The following EPHB1 variants were observed in gnomAD, a reference collection of about 807,000 sequenced individuals.
EPHB1 encodes EPH receptor B1, also known as ephrin type-B receptor 1.
EPHB1 carries 30 observed loss-of-function variants against 94.4 expected under a neutral mutation model. That is an observed-to-expected ratio of 0.32 (90% CI 0.24 to 0.43). EPHB1 has a LOEUF of 0.43. Among genes scored for constraint, EPHB1 ranks in the 20% least tolerant of loss-of-function variants. EPHB1 has a pLI of 1.00. For synonymous variants in EPHB1, 522 were observed against 489.1 expected (o/e 1.07, Z -0.89); for missense variants, 1,055 against 1,308.3 (o/e 0.81, Z 2.99).
rs546525286 is a variant in EPHB1 at position 135,007,248 on chromosome 3, C to G, written c.805+55196C>G. 3.3e-5 allele frequency among the ~76,000 whole-genome samples: 5 copies of G among 152,310 alleles called. No individual in the cohort carries two copies. The South Asian group carries it at 8.3e-4, about 25-fold the overall frequency. On this transcript the variant is annotated intron_variant, in intron 3 of 15. Transcript: ENST00000398015. ...CAATTCTCTAGACACTCCCTTACCTCCCTTGCAGAGCCTGGGTACACAGCT... is the reference window on the plus strand; with the variant it reads ...CAATTCTCTAGACACTCCCTTACCTGCCTTGCAGAGCCTGGGTACACAGCT...
intron 1 of EPHB1, among the ~76,000 whole-genome samples, chr3:134,919,150 T>C (rs964103401): frequency 6.6e-6 from 1 of 152,334 alleles, no homozygotes; most frequent in South Asian, 2.1e-4. Context: ...CATTGGAATA[T>C]GGTTAATGAT....
chr3:135,192,527 C>A, intron 10 of EPHB1, 49 bp from the exon 11 acceptor site: 1 of 1,596,478 alleles, frequency 6.3e-7, no homozygotes, highest in Non-Finnish European at 8.6e-7. Context: ...CCTCTTGAGT[C>A]CACAGACTGA....
At chr3:135,063,244 A>G (rs73216132) in intron 3 of EPHB1, among the ~76,000 whole-genome samples, 5,959 of 152,096 alleles carry the variant, frequency 0.039, 164 homozygotes, top group East Asian at 0.14. Context: ...TATTTTGATG[A>G]GGATTGTGTT....
intron 3 of EPHB1, among the ~76,000 whole-genome samples, chr3:135,097,289 C>T (rs1442748281): frequency 6.7e-6 from 1 of 150,372 alleles, no homozygotes; most frequent in Non-Finnish European, 1.5e-5. Context: ...TGGCTATCCT[C>T]ACTCCCTAAT....
chr3:135,230,149 G>A (rs1022441399), intron 12 of EPHB1, among the ~76,000 whole-genome samples: 1 of 152,198 alleles, frequency 6.6e-6, no homozygotes, highest in Non-Finnish European at 1.5e-5. Context: ...ATGAAACACT[G>A]GACGTGGCCT....
rs557460405 is a variant in EPHB1 at position 134,874,882 on chromosome 3, G to A, written c.59-50934G>A. ...CCTCTTTCTCTGCAGTCATTGCTAA[G>A]CCCTCCCTCTGCCTTCATACCAGGC... On this transcript the variant is annotated intron_variant, in intron 1 of 15. Transcript: ENST00000398015. Among the ~76,000 whole-genome samples, 5 of 152,344 alleles carry A rather than the reference G, an allele frequency of 3.3e-5. No individual in the cohort carries two copies. The East Asian group carries it at 9.6e-4, about 29-fold the overall frequency.
At chr3:135,127,549 A>T (rs1940254611) in intron 4 of EPHB1, among the ~76,000 whole-genome samples, 1 of 152,166 alleles carries the variant, frequency 6.6e-6, no homozygotes, top group Non-Finnish European at 1.5e-5. Flanking sequence ...CCTGAAATTT[A>T]CTACTAAATT....
intron 5 of EPHB1, among the ~76,000 whole-genome samples, chr3:135,141,145 C>CTTTTTTTTTTTTTTT (rs59743607): frequency 7.6e-6 from 1 of 131,302 alleles, no homozygotes; most frequent in Non-Finnish European, 1.6e-5. Flanking sequence ...CTTTCCTTTC[C>CTTTTTTTTTTTTTTT]TTTTTTTTTT....
At chr3:135,189,906 T>C (rs1162357006) in intron 10 of EPHB1, among the ~76,000 whole-genome samples, 1 of 152,218 alleles carries the variant, frequency 6.6e-6, no homozygotes, top group East Asian at 1.9e-4. Flanking sequence ...TTAAACAGTA[T>C]CACTTCTTTT....
intron 5 of EPHB1, among the ~76,000 whole-genome samples, chr3:135,136,927 A>G (rs1030159800): frequency 1.3e-5 from 2 of 152,196 alleles, no homozygotes; most frequent in African/African-American, 2.4e-5. Flanking sequence ...TGGCCAAGTG[A>G]TCTGCAGAGA....
At chr3:134,926,862 T>G (rs1306684625) in intron 2 of EPHB1, among the ~76,000 whole-genome samples, 1 of 151,984 alleles carries the variant, frequency 6.6e-6, no homozygotes, top group Admixed American at 6.5e-5. Flanking sequence ...AAGAATCAAG[T>G]TAAAATAGGA....
rs779625540 is a variant in EPHB1 at position 134,951,760 on chromosome 3, T to C, written c.513T>C (p.Asn171=). ...EVRSFGPLTR[N]GFYLAFQDYG... ...GGAGCTTTGGGCCTCTTACTCGGAA[T>C]GGTTTTTACCTCGCTTTTCAGGATT... The change falls in exon 3 of 16, where the codon AAT becomes AAC. Residue 171 remains asparagine, a synonymous_variant. Transcript: ENST00000398015. The surrounding 1 kb of genome is among the most constrained non-coding windows in gnomAD (Gnocchi z 4.5). 6 of 1,614,062 alleles carry C rather than the reference T, an allele frequency of 3.7e-6. No individual in the cohort carries two copies. Among genetic ancestry groups the C allele is most frequent in the Admixed American group, 1.7e-5 (1 of 60,030 alleles).
At chr3:134,989,619 T>C (rs182038157) in intron 3 of EPHB1, among the ~76,000 whole-genome samples, 2 of 152,270 alleles carry the variant, frequency 1.3e-5, no homozygotes, top group African/African-American at 4.8e-5. Context: ...TCACTGTAAC[T>C]AGAAAGATGG....
rs3899629 is a variant in EPHB1 at position 135,009,008 on chromosome 3, A to G, written c.805+56956A>G. ...ACAGGGGCGTGGACTTATGGATCCC[A>G]TCCTACTCTGTTGCAGAGTCCCAGG... On this transcript the variant is annotated intron_variant, in intron 3 of 15. Transcript: ENST00000398015. Among the ~76,000 whole-genome samples the G allele has an allele frequency of 8.0e-3, 1,224 of 152,334 alleles. 21 individuals are homozygous for G. The highest frequency in any genetic ancestry group is 0.027 in the African/African-American group (1,134 of 41,570).
intron 1 of EPHB1, among the ~76,000 whole-genome samples, chr3:134,816,542 A>T (rs2036277150): frequency 6.6e-6 from 1 of 152,012 alleles, no homozygotes; most frequent in South Asian, 2.1e-4. Flanking sequence ...ACCTCACATG[A>T]TCGTTGTGAG....
intron 3 of EPHB1, among the ~76,000 whole-genome samples, chr3:135,097,125 T>C (rs1938820614): frequency 6.8e-6 from 1 of 146,400 alleles, no homozygotes; most frequent in African/African-American, 2.5e-5. Flanking sequence ...AGAAAAAAAA[T>C]TACATTCGGA....
chr3:135,156,573 A>G (rs1477263000), intron 6 of EPHB1, among the ~76,000 whole-genome samples: 1 of 152,218 alleles, frequency 6.6e-6, no homozygotes, highest in African/African-American at 2.4e-5. Flanking sequence ...TAGATGGATC[A>G]CCAATCCCAG....
At chr3:135,072,663 CT>C (rs1435561287) in intron 3 of EPHB1, among the ~76,000 whole-genome samples, 1 of 152,206 alleles carries the variant, frequency 6.6e-6, no homozygotes, top group African/African-American at 2.4e-5. Flanking sequence ...GCCTCAAAAG[CT>C]ATTTCCTGAT....
intron 5 of EPHB1, among the ~76,000 whole-genome samples, chr3:135,136,349 G>A (rs750115421): frequency 9.9e-5 from 15 of 152,184 alleles, no homozygotes; most frequent in Non-Finnish European, 1.9e-4. Context: ...TATGTATATA[G>A]TCATGACTAT....
Sources: allele counts gnomAD v4.1 joint callset (sites outside exome capture counted in the v4.1 genomes callset), GRCh38; gene constraint gnomAD v4.1.1; non-coding constraint Gnocchi (gnomAD v3.1); transcripts MANE v1.5; gene names NCBI Gene and HGNC (gene_info 2026-07-23, HGNC 2026-07-21).